The following SPSB1 variants were observed in gnomAD, a reference collection of about 807,000 sequenced individuals.
SPSB1 encodes the protein SPRY domain-containing SOCS box protein 1.
Under a neutral mutation model 21.2 loss-of-function variants are expected in SPSB1, and 8 were observed. The ratio of observed to expected loss-of-function variants is 0.38; its 90% CI spans 0.22 to 0.68. The LOEUF (loss-of-function observed/expected upper bound fraction) is 0.68. Among genes scored for constraint, SPSB1 ranks in the 30% least tolerant of loss-of-function variants. The pLI is 0.53. For synonymous variants in SPSB1, 169 were observed against 161.7 expected (o/e 1.05, Z -0.34); for missense variants, 242 against 377.8 (o/e 0.64, Z 2.98).
chr1:9,351,773 C>A, intron 1 of SPSB1, among the ~76,000 whole-genome samples: 1 of 152,214 alleles, frequency 6.6e-6, no homozygotes, highest in East Asian at 1.9e-4. Context: ...TCATCTTTAA[C>A]CATAGCCTGG....
intron 1 of SPSB1, among the ~76,000 whole-genome samples, chr1:9,343,731 TG>T (rs1488607854): frequency 6.6e-6 from 1 of 152,224 alleles, no homozygotes; most frequent in Non-Finnish European, 1.5e-5. Context: ...TCACTTGACA[TG>T]GGAAACCTTT....
chr1:9,361,489 CG>C (rs943114834), intron 2 of SPSB1, among the ~76,000 whole-genome samples: 1 of 152,162 alleles, frequency 6.6e-6, no homozygotes, highest in African/African-American at 2.4e-5. Context: ...TGTGCCTTCC[CG>C]GGGGTCTCCC....
Position 9,342,343 on chromosome 1 carries a change from C to A in SPSB1, c.-149-13400C>A, listed in dbSNP as rs181581836. 7.6e-4 allele frequency among the ~76,000 whole-genome samples: 116 copies of A among 152,260 alleles called. No homozygotes were observed. In the East Asian group the frequency reaches 0.02, roughly 26 times the overall value. On this transcript the variant is annotated intron_variant, in intron 1 of 2. Transcript: ENST00000328089. ...GTTTGCGTAGTGACAAGTCCAGAAA[C>A]TGTGTGCATCAGCCTGGGGCACCCC... is the stretch of plus-strand genomic sequence containing the variant.
intron 1 of SPSB1, among the ~76,000 whole-genome samples, chr1:9,310,142 C>T (rs1011086067): frequency 6.6e-6 from 1 of 151,438 alleles, no homozygotes; most frequent in Non-Finnish European, 1.5e-5. Flanking sequence ...GATGATGCCT[C>T]TGCACCTGCC....
intron 2 of SPSB1, among the ~76,000 whole-genome samples, chr1:9,361,173 T>TTTTC (rs1640470923): frequency 6.9e-6 from 1 of 143,972 alleles, no homozygotes; most frequent in Non-Finnish European, 1.5e-5. Context: ...TTTTTTTTTT[T>TTTTC]TTTTTTTTTT....
At chr1:9,304,126 G>A (rs746949566) in intron 1 of SPSB1, among the ~76,000 whole-genome samples, 4 of 152,290 alleles carry the variant, frequency 2.6e-5, no homozygotes, top group East Asian at 3.9e-4. Context: ...TCTCTGTCCC[G>A]GAGCTGGGAC....
chr1:9,339,998 G>GC (rs767430193), intron 1 of SPSB1, among the ~76,000 whole-genome samples: 1 of 129,230 alleles, frequency 7.7e-6, no homozygotes. Context: ...CCCACCGACA[G>GC]CCCTGAACCA....
intron 2 of SPSB1, among the ~76,000 whole-genome samples, chr1:9,357,246 T>A (rs1640386044): frequency 6.6e-6 from 1 of 151,140 alleles, no homozygotes; most frequent in Non-Finnish European, 1.5e-5. Context: ...GATGGATAAA[T>A]GAACAGGTGG....
At chr1:9,301,755 G>T (rs1416316795) in intron 1 of SPSB1, among the ~76,000 whole-genome samples, 3 of 152,226 alleles carry the variant, frequency 2.0e-5, no homozygotes, top group Admixed American at 1.3e-4. Flanking sequence ...AGCCGACCTG[G>T]CTATGGCTAC....
intron 1 of SPSB1, among the ~76,000 whole-genome samples, chr1:9,306,082 C>T (rs996359967): frequency 1.3e-5 from 2 of 152,182 alleles, no homozygotes; most frequent in Non-Finnish European, 2.9e-5. Flanking sequence ...CAGGCTGAGT[C>T]CCAGCCATGC....
chr1:9,299,132 A>C (rs1639273390), intron 1 of SPSB1, among the ~76,000 whole-genome samples: 1 of 152,246 alleles, frequency 6.6e-6, no homozygotes, highest in African/African-American at 2.4e-5. Context: ...TGCAAAATTC[A>C]CACATCTCTG....
In SPSB1 at chr1:9,305,456, C is replaced by T. The variant is rs1011613786; in HGVS notation, c.-150+12385C>T. ...CGGCCGGCCACATGGCTGTTGTTCA[C>T]GGCTGAGTCCCCAGTAGTTAGGTCC... On this transcript the variant is annotated intron_variant, in intron 1 of 2. Transcript: ENST00000328089. The surrounding 1 kb of genome is among the most constrained non-coding windows in gnomAD (Gnocchi z 4.8). 5.9e-5 allele frequency among the ~76,000 whole-genome samples: 9 copies of T among 152,182 alleles called. No homozygotes were observed. The highest frequency in any genetic ancestry group is 1.3e-4 in the Admixed American group (2 of 15,284).
At chr1:9,354,326 T>G (rs985290313) in intron 1 of SPSB1, among the ~76,000 whole-genome samples, 2 of 152,070 alleles carry the variant, frequency 1.3e-5, no homozygotes, top group African/African-American at 4.8e-5. Flanking sequence ...TCCAACAGCC[T>G]CCCGCCCAGG....
Position 9,367,781 on chromosome 1 carries a change from G to A in SPSB1, c.*206G>A, listed in dbSNP as rs1640603291. 1 of 719,258 alleles carries A rather than the reference G, an allele frequency of 1.4e-6. No individual in the cohort carries two copies. The highest frequency in any genetic ancestry group is 2.2e-6 in the Non-Finnish European group (1 of 448,752). 44.6% of individuals were successfully genotyped at this position (719,258 alleles called of 1,614,324 possible). A position where few individuals can be genotyped will look rare whatever the true frequency, so the allele number is the denominator to read the frequency against. On this transcript the variant is annotated 3_prime_UTR_variant, in exon 3 of 3. Transcript: ENST00000328089. The surrounding 1 kb of genome is among the most constrained non-coding windows in gnomAD (Gnocchi z 5.9). ...TCCTCTTTCCCCCTTCCCGACATCA[G>A]CAGAAGGCAGCATCCCTGCATGCCG...
At chr1:9,328,475 A>G (rs1639855618) in intron 1 of SPSB1, among the ~76,000 whole-genome samples, 1 of 152,228 alleles carries the variant, frequency 6.6e-6, no homozygotes, top group African/African-American at 2.4e-5. Flanking sequence ...CATGATTTCA[A>G]ATGCCTTAAG....
chr1:9,300,377 T>C (rs1294032), intron 1 of SPSB1, among the ~76,000 whole-genome samples: 81,253 of 152,090 alleles, frequency 0.53, 23,568 homozygotes, highest in African/African-American at 0.74. Context: ...CAGGTCCAGG[T>C]TGCTGTGCAA....
intron 2 of SPSB1, among the ~76,000 whole-genome samples, chr1:9,361,627 G>C (rs1270845513): frequency 6.6e-6 from 1 of 152,240 alleles, no homozygotes; most frequent in African/African-American, 2.4e-5. Flanking sequence ...ACGTTTCCCT[G>C]TGCGGCCTCC....
chr1:9,340,356 G>T (rs992294283), intron 1 of SPSB1, among the ~76,000 whole-genome samples: 4 of 152,222 alleles, frequency 2.6e-5, no homozygotes, highest in Admixed American at 6.5e-5. Context: ...ACGGATTCCT[G>T]CCACCAGCCC....
chr1:9,353,216 C>T (rs762098980), intron 1 of SPSB1, among the ~76,000 whole-genome samples: 3 of 151,960 alleles, frequency 2.0e-5, no homozygotes, highest in African/African-American at 7.3e-5. Flanking sequence ...AGAGCCGCCT[C>T]GGCCCTCCCA....
Sources: gnomAD v4.1 joint callset for allele counts (sites outside exome capture counted in the v4.1 genomes callset) on GRCh38, gnomAD v4.1.1 for gene constraint, Gnocchi (gnomAD v3.1) non-coding constraint, MANE v1.5 for transcripts, NCBI Gene and HGNC (gene_info 2026-07-23, HGNC 2026-07-21) for gene names.